Variants in ZNF44 observed in about 807,000 individuals in gnomAD.
ZNF44 encodes the protein gonadotropin inducible transcription repressor-2.
Under a neutral mutation model 11.7 loss-of-function variants are expected in ZNF44, and 9 were observed. The ratio of observed to expected loss-of-function variants is 0.77; its 90% CI spans 0.46 to 1.35. ZNF44 has a LOEUF of 1.35. Ranked by LOEUF, ZNF44 falls within the 40% of genes most tolerant of loss-of-function variation. ZNF44 has a pLI of 0.00. For missense variants in ZNF44, 696 were observed against 743.1 expected, an observed-to-expected ratio of 0.94 and a Z score of 0.74; for synonymous variants, 224 against 242.7, an observed-to-expected ratio of 0.92 and a Z score of 0.72.
chr19:12,271,748 C>T (rs150161947), downstream of ZNF44: 1 of 152,158 alleles, frequency 6.6e-6, no homozygotes, highest in Non-Finnish European at 1.5e-5. Context: ...TGGGTCTGTA[C>T]TGAACACATA....
chr19:12,271,064 ATGATGC>A (rs777174225), downstream of ZNF44, among the ~76,000 whole-genome samples: 40 of 151,366 alleles, frequency 2.6e-4, no homozygotes, highest in African/African-American at 8.8e-4. Context: ...GATGATGATG[ATGATGC>A]TGCTGATGAT....
intron 1 of ZNF44, among the ~76,000 whole-genome samples, chr19:12,283,096 T>C (rs1967556355): frequency 6.6e-6 from 1 of 152,182 alleles, no homozygotes; most frequent in African/African-American, 2.4e-5. Flanking sequence ...ATCCTCAAAT[T>C]TGGCTTACAA....
chr19:12,250,231 T>C, intron 6 of ZNF44: 1 of 1,355,164 alleles, frequency 7.4e-7, no homozygotes. Flanking sequence ...ATGGAATGAT[T>C]TCATTTTTAC....
intron 1 of ZNF44, among the ~76,000 whole-genome samples, chr19:12,287,532 T>C (rs1406075335): frequency 1.3e-5 from 2 of 152,174 alleles, no homozygotes; most frequent in African/African-American, 4.8e-5. Flanking sequence ...ATTCTTTAAC[T>C]ACCACTTATA....
chr19:12,287,758 G>A (rs1179238210), intron 1 of ZNF44, among the ~76,000 whole-genome samples: 4 of 152,146 alleles, frequency 2.6e-5, no homozygotes, highest in Admixed American at 2.6e-4. Flanking sequence ...TGAATAGTCT[G>A]CAATAAACAC....
At position 12,273,266 on chromosome 19, in the gene ZNF44, A is replaced by G; in HGVS notation, c.989T>C (p.Met330Thr). 1 of 1,613,630 alleles carries G rather than the reference A, an allele frequency of 6.2e-7. No individual in the cohort carries two copies. The highest frequency in any genetic ancestry group is 1.7e-5 in the Admixed American group (1 of 59,962). ...HLGSFQRHMI[M>T]HSGDGPHKCK... ...TTTATGAGGTCCATCTCCACTGTGCATTATCATGTGTCTTTGAAAGCTTCC... is the reference window on the plus strand; with the variant it reads ...TTTATGAGGTCCATCTCCACTGTGCGTTATCATGTGTCTTTGAAAGCTTCC... Residue 330 changes from methionine (M) to threonine (T), a missense_variant, in exon 4 of 4, where the codon ATG becomes ACG. Transcript: ENST00000355684.
intron 3 of ZNF44, among the ~76,000 whole-genome samples, chr19:12,229,100 T>C (rs566960192): frequency 4.0e-5 from 6 of 151,782 alleles, no homozygotes; most frequent in Non-Finnish European, 8.8e-5. Flanking sequence ...TAAGCACTTA[T>C]TTTTTTTGCC....
Position 12,272,693 on chromosome 19 carries a change from G to C in ZNF44, c.1562C>G (p.Thr521Ser). ...CTCTGCCGTGTGAGTCCTTTCATGA[G>C]TTTTTAAGTAACTGAAACGACTGAA... ...KAFSRFSYLKTHERTHTAEKP... is the reference protein window; with the variant it reads ...KAFSRFSYLKSHERTHTAEKP... The change falls in exon 4 of 4, where the codon ACT becomes AGT. Residue 521 changes from threonine (T) to serine (S), a missense_variant. Transcript: ENST00000355684. 1 of 1,613,396 alleles carries C rather than the reference G, an allele frequency of 6.2e-7. No individual in the cohort carries two copies. Among genetic ancestry groups the C allele is most frequent in the Non-Finnish European group, 8.5e-7 (1 of 1,179,618 alleles).
chr19:12,258,358 A>G (rs35170937), intron 5 of ZNF44, among the ~76,000 whole-genome samples: 1 of 140,350 alleles, frequency 7.1e-6, no homozygotes, highest in Non-Finnish European at 1.5e-5. Context: ...AAAAAAAAAA[A>G]GCACTGGGGA....
chr19:12,265,309 G>A (rs1000766539), intron 5 of ZNF44, among the ~76,000 whole-genome samples: 4 of 151,974 alleles, frequency 2.6e-5, no homozygotes, highest in African/African-American at 9.7e-5. Flanking sequence ...CGGTTGAGAT[G>A]GGGAGGTCGA....
At chr19:12,266,401 G>C in intron 5 of ZNF44, 4 of 947,774 alleles carry the variant, frequency 4.2e-6, no homozygotes, top group Non-Finnish European at 5.0e-6. Flanking sequence ...AGCGACCCGA[G>C]GGCGCCAAGG....
chr19:12,290,409 A>G (rs1217550375), intron 1 of ZNF44, among the ~76,000 whole-genome samples: 2 of 149,294 alleles, frequency 1.3e-5, no homozygotes, highest in Admixed American at 6.7e-5. Flanking sequence ...AAAAAAAAAA[A>G]GGCTCCTCCC....
chr19:12,266,440 G>A (rs73004260), intron 5 of ZNF44: 102,630 of 626,870 alleles, frequency 0.16, 9,175 homozygotes, highest in East Asian at 0.27. Context: ...CAAACCCACG[G>A]GCTTTAGCGC....
chr19:12,245,370 C>A (rs1001220428), downstream of ZNF44, among the ~76,000 whole-genome samples: 14 of 152,256 alleles, frequency 9.2e-5, no homozygotes, highest in South Asian at 1.2e-3. Flanking sequence ...CTAAGAAATA[C>A]CTGCAGAAGT....
chr19:12,235,574 T>G (rs2438546), intron 1 of ZNF44, among the ~76,000 whole-genome samples: 9,274 of 152,132 alleles, frequency 0.061, 955 homozygotes, highest in African/African-American at 0.21. Flanking sequence ...CAACAAATAT[T>G]CACAAATTGA....
Position 12,272,620 on chromosome 19 carries a change from A to G in ZNF44, c.1635T>C (p.Ser545=). The G allele has an allele frequency of 6.2e-7, 1 of 1,613,286 alleles. No homozygotes were observed. Among genetic ancestry groups the G allele is most frequent in the Non-Finnish European group, 8.5e-7 (1 of 1,179,658 alleles). Residue 545 remains serine, a synonymous_variant, in exon 4 of 4, where the codon TCT becomes TCC. Coordinates refer to ENST00000355684, the MANE Select transcript of ZNF44 (RefSeq NM_016264.4). ...KQCRKAFFWP[S]FLLRHERTHT... The stretch of plus-strand genomic sequence containing the variant: ...GAGTCCTTTCATGTCTTAGAAGGAA[A>G]GAGGGCCAAAAGAATGCTTTCCTGC...
chr19:12,283,501 T>G (rs944048579), intron 1 of ZNF44, among the ~76,000 whole-genome samples: 1 of 151,956 alleles, frequency 6.6e-6, no homozygotes, highest in Non-Finnish European at 1.5e-5. Flanking sequence ...GCTAATTTTT[T>G]TGTATTTTTA....
chr19:12,233,989 G>GA (rs1364066837), intron 2 of ZNF44, among the ~76,000 whole-genome samples: 2 of 151,704 alleles, frequency 1.3e-5, no homozygotes, highest in African/African-American at 4.9e-5. Flanking sequence ...TTGAACCCAA[G>GA]AGGCGGAGGT....
chr19:12,284,970 T>C (rs1291826921), intron 1 of ZNF44: 3 of 729,570 alleles, frequency 4.1e-6, no homozygotes, highest in East Asian at 5.1e-5. Flanking sequence ...CAGTGACTGA[T>C]ACACCTCAGC....
Sources: allele counts gnomAD v4.1 joint callset (sites outside exome capture counted in the v4.1 genomes callset), GRCh38; gene constraint gnomAD v4.1.1; transcripts MANE v1.5; gene names NCBI Gene and HGNC (gene_info 2026-07-23, HGNC 2026-07-21).